The following SMC5 variants were observed in gnomAD, a reference collection of about 807,000 sequenced individuals.
SMC5 encodes structural maintenance of chromosomes protein 5.
In SMC5, 88 loss-of-function variants were observed where a neutral mutation model predicts 148.3. The ratio of observed to expected loss-of-function variants is 0.59; its 90% CI spans 0.50 to 0.71. SMC5 has a LOEUF of 0.71. SMC5 is among the 30% of genes least tolerant of loss of function. SMC5 has a pLI of 0.00. For synonymous variants in SMC5, 421 were observed against 432.8 expected, an observed-to-expected ratio of 0.97 and a Z score of 0.34; for missense variants, 1,142 against 1,298.9, an observed-to-expected ratio of 0.88 and a Z score of 1.86.
chr9:70,300,308 C>A, intron 10 of SMC5, 108 bp downstream of exon 10: 1 of 973,518 alleles, frequency 1.0e-6, no homozygotes. Context: ...CATTATCAGA[C>A]TTGTGGCATC....
intron 2 of SMC5, among the ~76,000 whole-genome samples, chr9:70,266,872 A>G (rs1587615657): frequency 6.6e-6 from 1 of 152,294 alleles, no homozygotes; most frequent in East Asian, 1.9e-4. Flanking sequence ...TCATTCCTAC[A>G]TGGATGTCCT....
At chr9:70,294,510 G>A (rs763098780) in intron 8 of SMC5, among the ~76,000 whole-genome samples, 12 of 152,194 alleles carry the variant, frequency 7.9e-5, no homozygotes, top group Non-Finnish European at 1.2e-4. Context: ...GCATTGTGGA[G>A]CCTCAGCTGA....
At chr9:70,286,314 C>A in intron 8 of SMC5, 43 bp downstream of exon 8, 1 of 1,299,264 alleles carries the variant, frequency 7.7e-7, no homozygotes, top group South Asian at 1.2e-5. Flanking sequence ...AAAGTTTGCT[C>A]TAACTTTTGT....
chr9:70,328,973 A>T (rs2036154723), intron 17 of SMC5, among the ~76,000 whole-genome samples: 1 of 152,186 alleles, frequency 6.6e-6, no homozygotes, highest in South Asian at 2.1e-4. Flanking sequence ...CCCCTGAAGT[A>T]ATGGCCTGAG....
intron 17 of SMC5, among the ~76,000 whole-genome samples, chr9:70,343,005 A>T (rs367901387): frequency 2.0e-5 from 3 of 152,078 alleles, no homozygotes; most frequent in East Asian, 3.9e-4. Flanking sequence ...CTACATACAT[A>T]CTCTGTCCAA....
rs187160420 is a variant in SMC5, at chr9:70,285,247, G to A, written c.982-953G>A. On this transcript the variant is annotated intron_variant, in intron 7 of 24. Coordinates refer to ENST00000361138, the MANE Select transcript of SMC5 (RefSeq NM_015110.4). Reference sequence around the variant, plus strand: ...ACAGCAAAAGGATGCAAAACAGTCAGGAAAGGGAAAATGCCCTGAGGACAA... The same window carrying A: ...ACAGCAAAAGGATGCAAAACAGTCAAGAAAGGGAAAATGCCCTGAGGACAA... 5.1e-4 allele frequency among the ~76,000 whole-genome samples: 77 copies of A among 152,278 alleles called. 1 individual carries two copies. The highest frequency in any genetic ancestry group is 2.1e-3 in the South Asian group (10 of 4,812).
chr9:70,284,587 A>G (rs2034847226), intron 7 of SMC5, among the ~76,000 whole-genome samples: 1 of 152,218 alleles, frequency 6.6e-6, no homozygotes, highest in African/African-American at 2.4e-5. Flanking sequence ...AATTAAGGAA[A>G]CATATTTAAC....
rs2036772182 is a variant in SMC5, at chr9:70,350,183, ACTC to A, written c.2963_2965del (p.Pro988del). ...AAGTAGTACTCAACTGCATGAATTA[ACTC>A]CTCATCATCAAAGTGGAGGTGAAAG... On this transcript the variant is annotated inframe_deletion, in exon 23 of 25. Transcript: ENST00000361138. 2 of 1,613,412 alleles carry A rather than the reference ACTC, an allele frequency of 1.2e-6. No individual in the cohort carries two copies. The highest frequency in any genetic ancestry group is 8.5e-7 in the Non-Finnish European group (1 of 1,179,658).
At chr9:70,314,913 A>G in intron 12 of SMC5, 77 bp downstream of exon 12, 1 of 943,270 alleles carries the variant, frequency 1.1e-6, no homozygotes, top group Admixed American at 2.7e-5. Flanking sequence ...AAGCTATTAC[A>G]AGCTGTATTA....
intron 13 of SMC5, among the ~76,000 whole-genome samples, 198 bp from the exon 14 acceptor site, chr9:70,318,316 G>A (rs533898597): frequency 6.6e-6 from 1 of 152,030 alleles, no homozygotes; most frequent in East Asian, 1.9e-4. Flanking sequence ...TGAGCCTGGG[G>A]GGTTGAGGCT....
intron 8 of SMC5, among the ~76,000 whole-genome samples, chr9:70,293,573 GTGTTA>G (rs1344110109): frequency 1.3e-5 from 2 of 151,802 alleles, no homozygotes; most frequent in Non-Finnish European, 2.9e-5. Flanking sequence ...TATACACTTG[GTGTTA>G]TACATTTTCC....
At position 70,350,163 on chromosome 9, in the gene SMC5, G is replaced by T; in HGVS notation, c.2939G>T (p.Ser980Ile). Reference sequence around the variant, plus strand: ...CGAATTAGAGTCAAATTTCGAAGTAGTACTCAACTGCATGAATTAACTCCT... The same window carrying T: ...CGAATTAGAGTCAAATTTCGAAGTATTACTCAACTGCATGAATTAACTCCT... ...GIRIRVKFRS[S>I]TQLHELTPHH... Residue 980 changes from serine to isoleucine, a missense_variant, in exon 23 of 25, where the codon AGT (serine) becomes ATT (isoleucine). Physicochemically the swap from Ser to Ile is moderately radical, Grantham distance 142. Transcript: ENST00000361138. The T allele has an allele frequency of 1.2e-6, 2 of 1,612,862 alleles. No homozygotes were observed. The highest frequency in any genetic ancestry group is 2.7e-5 in the African/African-American group (2 of 75,004).
intron 6 of SMC5, among the ~76,000 whole-genome samples, chr9:70,282,119 AG>A (rs1291765807): frequency 4.0e-5 from 6 of 150,298 alleles, no homozygotes; most frequent in African/African-American, 1.5e-4. Context: ...CTTTATTGAC[AG>A]ATTAGAGGTA....
intron 17 of SMC5, among the ~76,000 whole-genome samples, chr9:70,326,926 T>C (rs1038169085): frequency 6.6e-6 from 1 of 152,152 alleles, no homozygotes; most frequent in African/African-American, 2.4e-5. Flanking sequence ...TGTAATGTTA[T>C]TCTGAAAATA....
In SMC5 at chr9:70,259,117, C is replaced by T; in HGVS notation, c.39C>T (p.Pro13=). 2 of 1,611,946 alleles carry T rather than the reference C, an allele frequency of 1.2e-6. No homozygotes were observed. The highest frequency in any genetic ancestry group is 1.7e-6 in the Non-Finnish European group (2 of 1,179,044). Residue 13 remains proline, a synonymous_variant, in exon 1 of 25, where the codon CCC becomes CCT. Coordinates refer to ENST00000361138, the MANE Select transcript of SMC5 (RefSeq NM_015110.4). The part of the protein sequence containing the change: ...TPSKKTSTPS[P]QPSKRALPRD... The stretch of plus-strand genomic sequence containing the variant: ...GCAAGAAGACGTCAACTCCAAGCCC[C>T]CAGCCTTCCAAGAGAGCTCTCCCGA...
chr9:70,339,243 C>T (rs906173920), intron 17 of SMC5, among the ~76,000 whole-genome samples: 3 of 152,164 alleles, frequency 2.0e-5, no homozygotes, highest in Middle Eastern at 3.4e-3. Context: ...TCCTGGCTAA[C>T]GTGGTGAAAC....
chr9:70,324,350 C>G (rs2036023653), intron 17 of SMC5, among the ~76,000 whole-genome samples: 1 of 152,086 alleles, frequency 6.6e-6, no homozygotes, highest in African/African-American at 2.4e-5. Flanking sequence ...TTGTTAATAT[C>G]TGACTGTGAA....
intron 17 of SMC5, among the ~76,000 whole-genome samples, chr9:70,324,487 T>C (rs7851212): frequency 0.98 from 149,124 of 152,286 alleles, 73,081 homozygotes; most frequent in East Asian, 1. Flanking sequence ...TCCAAAATCT[T>C]TTCCCAAAAA....
At chr9:70,269,324 C>T (rs892302662) in intron 3 of SMC5, among the ~76,000 whole-genome samples, 1 of 151,990 alleles carries the variant, frequency 6.6e-6, no homozygotes, top group Non-Finnish European at 1.5e-5. Flanking sequence ...GGCTCATGTG[C>T]GTAATCCCAG....
Sources: allele counts gnomAD v4.1 joint callset (sites outside exome capture counted in the v4.1 genomes callset), GRCh38; gene constraint gnomAD v4.1.1; transcripts MANE v1.5; gene names NCBI Gene and HGNC (gene_info 2026-07-23, HGNC 2026-07-21).